CYP4X1: variants seen among roughly 807,000 people sequenced by gnomAD.
CYP4X1 encodes cytochrome P450 family 4 subfamily X member 1.
A neutral mutation model predicts 57.9 loss-of-function variants in CYP4X1; 44 were observed. The ratio of observed to expected loss-of-function variants is 0.76; its 90% CI spans 0.60 to 0.98. The LOEUF is 0.98. CYP4X1 is among the 50% of genes least tolerant of loss of function. The probability of loss-of-function intolerance (pLI) is 0.00; values close to 1 mark genes in which losing one functional copy is unlikely to be tolerated. For synonymous variants in CYP4X1, 227 were observed against 228.6 expected, an observed-to-expected ratio of 0.99 and a Z score of 0.06; for missense variants, 532 against 623.9, an observed-to-expected ratio of 0.85 and a Z score of 1.57.
At chr1:47,049,967 T>C in intron 11 of CYP4X1, 33 bp from the exon 12 acceptor site, 1 of 1,601,498 alleles carries the variant, frequency 6.2e-7, no homozygotes, top group Non-Finnish European at 8.5e-7. Context: ...CATCATTTTT[T>C]CAAGTATCAC....
chr1:46,990,628 T>A, the CYP4X1 span, among the ~76,000 whole-genome samples: 9 of 152,174 alleles, frequency 5.9e-5, no homozygotes, highest in Non-Finnish European at 1.5e-5. Context: ...CTGTTCACAA[T>A]AGCAAAGACT....
intron 1 of CYP4X1, among the ~76,000 whole-genome samples, chr1:47,029,474 G>C (rs1284012897): frequency 6.6e-6 from 1 of 152,204 alleles, no homozygotes; most frequent in Non-Finnish European, 1.5e-5. Context: ...TTTCTTTATA[G>C]ATAGAGTTGG....
At chr1:47,043,245 T>A (rs565285797) in intron 8 of CYP4X1, among the ~76,000 whole-genome samples, 10 of 152,148 alleles carry the variant, frequency 6.6e-5, no homozygotes, top group Admixed American at 6.6e-4. Flanking sequence ...TGTTGGCCAT[T>A]TGTACATCTT....
downstream of CYP4X1, among the ~76,000 whole-genome samples, chr1:47,051,889 C>T (rs1644362008): frequency 6.6e-6 from 1 of 151,782 alleles, no homozygotes; most frequent in Admixed American, 6.6e-5. Context: ...CTCTATATAT[C>T]TCCTTCTTGC....
intron 3 of CYP4X1, among the ~76,000 whole-genome samples, chr1:47,031,933 C>T (rs1234544418): frequency 6.6e-6 from 1 of 152,098 alleles, no homozygotes; most frequent in Non-Finnish European, 1.5e-5. Flanking sequence ...AGTCCCACTA[C>T]TTGGGAGGCT....
At chr1:47,039,885 T>C (rs1295357203) in intron 8 of CYP4X1, among the ~76,000 whole-genome samples, 1 of 152,154 alleles carries the variant, frequency 6.6e-6, no homozygotes, top group Non-Finnish European at 1.5e-5. Flanking sequence ...GGAGCTCCTC[T>C]TCTGAGAGAG....
At chr1:46,978,275 A>C in the CYP4X1 span, among the ~76,000 whole-genome samples, 1 of 152,114 alleles carries the variant, frequency 6.6e-6, no homozygotes, top group East Asian at 1.9e-4. Context: ...AAAGGGATGG[A>C]GGAAGTTCTG....
At chr1:47,015,530 G>A in the CYP4X1 span, among the ~76,000 whole-genome samples, 3 of 152,294 alleles carry the variant, frequency 2.0e-5, no homozygotes, top group Admixed American at 6.5e-5. Flanking sequence ...TTATGCTTAT[G>A]TGCTTGTCTT....
chr1:46,976,413 T>C, the CYP4X1 span, among the ~76,000 whole-genome samples: 7 of 152,262 alleles, frequency 4.6e-5, no homozygotes, highest in South Asian at 1.2e-3. Context: ...CCACCATTGC[T>C]GAGGCTTGAG....
chr1:47,019,009 C>T (rs565716046), upstream of CYP4X1, among the ~76,000 whole-genome samples: 2 of 152,216 alleles, frequency 1.3e-5, no homozygotes, highest in South Asian at 4.1e-4. Flanking sequence ...AGGAAGAGAG[C>T]TTTTATTTCT....
intron 8 of CYP4X1, among the ~76,000 whole-genome samples, chr1:47,045,131 A>C (rs1440101586): frequency 6.6e-6 from 1 of 152,074 alleles, no homozygotes; most frequent in Non-Finnish European, 1.5e-5. Flanking sequence ...GGCCAGAATT[A>C]CTCTTATTTA....
chr1:47,024,005 GGGAGGAGGGAGGAA>G lies in CYP4X1; in HGVS notation c.177+24_177+37del, dbSNP rs750515947. ...CTTGGGCACCAGAAGGTAGATGGGAGGGAGGAGGGAGGAAGGAGGAGGGAGGGGCGGAGGAGGAT... is the reference window on the plus strand; with the variant it reads ...CTTGGGCACCAGAAGGTAGATGGGAGGGAGGAGGGAGGGGCGGAGGAGGAT... On this transcript the variant is annotated intron_variant, in intron 1 of 11. Coordinates refer to ENST00000371901, the MANE Select transcript of CYP4X1 (RefSeq NM_178033.2). 7 of 1,607,150 alleles carry G rather than the reference GGGAGGAGGGAGGAA, an allele frequency of 4.4e-6. No homozygotes were observed. The highest frequency in any genetic ancestry group is 2.2e-5 in the East Asian group (1 of 44,668).
the CYP4X1 span, among the ~76,000 whole-genome samples, chr1:46,976,085 T>A: frequency 1.3e-5 from 2 of 152,120 alleles, no homozygotes; most frequent in East Asian, 1.9e-4. Context: ...GTTCATCTCA[T>A]TGGGACTGGT....
the CYP4X1 span, among the ~76,000 whole-genome samples, chr1:46,981,222 C>A: frequency 6.6e-6 from 1 of 152,104 alleles, no homozygotes; most frequent in Non-Finnish European, 1.5e-5. Context: ...AAAATTTTTG[C>A]AATCTACCCA....
At chr1:46,965,553 G>C in the CYP4X1 span, among the ~76,000 whole-genome samples, 4 of 152,182 alleles carry the variant, frequency 2.6e-5, no homozygotes, top group Admixed American at 2.0e-4. Flanking sequence ...ACATGTGAAG[G>C]CTGTGAAACA....
At chr1:47,046,050 G>A (rs1195016687) in intron 8 of CYP4X1, among the ~76,000 whole-genome samples, 1 of 152,080 alleles carries the variant, frequency 6.6e-6, no homozygotes, top group African/African-American at 2.4e-5. Flanking sequence ...TTAAGATGGG[G>A]GAAGCACCCT....
chr1:47,011,611 C>T, the CYP4X1 span, among the ~76,000 whole-genome samples: 48,413 of 151,990 alleles, frequency 0.32, 8,198 homozygotes, highest in East Asian at 0.51. Context: ...TACCATCAGA[C>T]TGAACAGGCA....
chr1:47,031,942 C>G (rs1644128916), intron 3 of CYP4X1, among the ~76,000 whole-genome samples: 1 of 152,076 alleles, frequency 6.6e-6, no homozygotes, highest in South Asian at 2.1e-4. Flanking sequence ...ACTTGGGAGG[C>G]TGAGACATGA....
At chr1:47,008,475 C>G in the CYP4X1 span, among the ~76,000 whole-genome samples, 1 of 152,132 alleles carries the variant, frequency 6.6e-6, no homozygotes, top group Non-Finnish European at 1.5e-5. Flanking sequence ...AAACATGCCA[C>G]ATTGTAAAGA....
Sources: gnomAD v4.1 joint callset for allele counts (sites outside exome capture counted in the v4.1 genomes callset) on GRCh38, gnomAD v4.1.1 for gene constraint, MANE v1.5 for transcripts, NCBI Gene and HGNC (gene_info 2026-07-23, HGNC 2026-07-21) for gene names.